MACF1: variants seen among roughly 807,000 people sequenced by gnomAD.
MACF1 encodes microtubule-actin cross-linking factor 1.
MACF1 carries 193 observed loss-of-function variants against 854.8 expected under a neutral mutation model. The observed-to-expected ratio is 0.23, with a 90% CI of 0.20 to 0.25. The LOEUF is 0.25. MACF1 is among the 10% of genes least tolerant of loss of function. The probability of loss-of-function intolerance (pLI) is 1.00; values close to 1 mark genes in which losing one functional copy is unlikely to be tolerated. For synonymous variants in MACF1, 3,185 were observed against 3,226.7 expected (o/e 0.99, Z 0.44); for missense variants, 7,722 against 8,929.1 (o/e 0.86, Z 5.45).
chr1:39,134,034 CTTTTTT>C (rs754585049), intron 2 of MACF1, among the ~76,000 whole-genome samples: 144 of 71,646 alleles, frequency 2.0e-3, no homozygotes, highest in Middle Eastern at 0.014. Context: ...GAAGAACAGT[CTTTTTT>C]TTTTTTTTTT....
intron 58 of MACF1, among the ~76,000 whole-genome samples, chr1:39,419,398 A>C (rs1192488183): frequency 6.6e-6 from 1 of 152,224 alleles, no homozygotes; most frequent in African/African-American, 2.4e-5. Context: ...AAATGCTCCC[A>C]AGTCTGAAAC....
chr1:39,430,143 A>C, intron 65 of MACF1, 75 bp downstream of exon 65: 1 of 1,493,292 alleles, frequency 6.7e-7, no homozygotes, highest in Non-Finnish European at 9.0e-7. Flanking sequence ...ATCAACCTTT[A>C]CCTTAAATAT....
chr1:39,344,288 T>C (rs1483417716), intron 40 of MACF1, among the ~76,000 whole-genome samples: 3 of 150,146 alleles, frequency 2.0e-5, no homozygotes, highest in South Asian at 2.1e-4. Flanking sequence ...TAAAATTAGC[T>C]GGGCATAGTG....
chr1:39,312,312 C>T (rs957598828), intron 26 of MACF1, among the ~76,000 whole-genome samples: 3 of 152,118 alleles, frequency 2.0e-5, no homozygotes, highest in Non-Finnish European at 4.4e-5. Context: ...AAGTTTTATT[C>T]TCTTATACCT....
At chr1:39,309,802 G>A in intron 24 of MACF1, 106 bp downstream of exon 24, 3 of 1,227,988 alleles carry the variant, frequency 2.4e-6, no homozygotes. Context: ...ATGGAGTAAA[G>A]TGGACTCAGG....
chr1:39,352,968 T>C (rs778735393), intron 43 of MACF1, 39 bp from the exon 44 acceptor site: 8 of 1,460,080 alleles, frequency 5.5e-6, no homozygotes, highest in Admixed American at 5.1e-5. Context: ...TGATTGAGTA[T>C]GTAAAGCCTT....
chr1:39,170,825 G>C (rs1643938507), intron 2 of MACF1, among the ~76,000 whole-genome samples: 1 of 152,184 alleles, frequency 6.6e-6, no homozygotes, highest in Admixed American at 6.5e-5. Context: ...CAGCAGTGAA[G>C]GAGTTAAAAT....
intron 2 of MACF1, among the ~76,000 whole-genome samples, chr1:39,099,770 G>A (rs912507225): frequency 1.3e-5 from 2 of 152,164 alleles, no homozygotes; most frequent in African/African-American, 4.8e-5. Flanking sequence ...GCAAAGTATT[G>A]TGTTAGGCCC....
At chr1:39,443,101 A>G (rs555869033) in intron 78 of MACF1, among the ~76,000 whole-genome samples, 190 bp downstream of exon 78, 31 of 152,364 alleles carry the variant, frequency 2.0e-4, no homozygotes, top group African/African-American at 7.0e-4. Context: ...ATTCATTTCT[A>G]GCTCAGTCTC....
intron 52 of MACF1, among the ~76,000 whole-genome samples, chr1:39,377,312 A>G (rs1482833231): frequency 3.9e-5 from 6 of 152,072 alleles, no homozygotes; most frequent in African/African-American, 1.4e-4. Flanking sequence ...GCGCCCGGCC[A>G]ACTATTTTGT....
At chr1:39,349,779 G>A in intron 42 of MACF1, 152 bp downstream of exon 42, 2 of 775,108 alleles carry the variant, frequency 2.6e-6, no homozygotes, top group Non-Finnish European at 3.9e-6. Flanking sequence ...ACAAAGTCAT[G>A]AGCCACCATG....
At chr1:39,477,063 A>G (rs1570225515) in intron 97 of MACF1, among the ~76,000 whole-genome samples, 3 of 20,834 alleles carry the variant, frequency 1.4e-4, no homozygotes, top group African/African-American at 3.0e-4. Flanking sequence ...ATATATATAT[A>G]TATATATATA....
rs749391231 is a variant in MACF1, at chr1:39,443,622, G to A, written c.19431+48G>A. 5.8e-6 allele frequency: 9 copies of A among 1,540,236 alleles called. No homozygotes were observed. The Admixed American group carries it at 1.0e-4, about 18-fold the overall frequency. On this transcript the variant is annotated intron_variant, in intron 79 of 100. Transcript: ENST00000564288. ...GAGCATAAGCATCCCATATTCACTAGCTCCTTTCCAAGTTCACAGTCATAA... is the reference window on the plus strand; with the variant it reads ...GAGCATAAGCATCCCATATTCACTAACTCCTTTCCAAGTTCACAGTCATAA...
At position 39,452,799 on chromosome 1, in the gene MACF1, T is replaced by C. The variant is rs532112471; in HGVS notation, c.20729T>C (p.Ile6910Thr). The C allele has an allele frequency of 1.9e-4, 310 of 1,614,084 alleles. 1 individual carries two copies. In the South Asian group the frequency reaches 3.0e-3, roughly 16 times the overall value. ...PDDTEALQSL[I>T]DTHKEFMKKV... Reference sequence around the variant, plus strand: ...GACACAGAGGCCCTGCAGTCTCTCATTGACACCCATAAGGTAATCCAGCCT... The same window carrying C: ...GACACAGAGGCCCTGCAGTCTCTCACTGACACCCATAAGGTAATCCAGCCT... The change falls in exon 87 of 101, where the codon ATT (isoleucine) becomes ACT (threonine). Residue 6910 changes from isoleucine (I) to threonine (T), a missense_variant. Ile to Thr is a moderately conservative substitution (Grantham distance 89, BLOSUM62 -1). Coordinates refer to ENST00000564288, the MANE Select transcript of MACF1 (RefSeq NM_001394062.1).
intron 43 of MACF1, among the ~76,000 whole-genome samples, 156 bp downstream of exon 43, chr1:39,351,174 G>A (rs753659041): frequency 3.6e-4 from 55 of 152,174 alleles, no homozygotes; most frequent in Middle Eastern, 3.4e-3. Flanking sequence ...TTTTTGAGAC[G>A]GAATCTCTGT....
At position 39,331,660 on chromosome 1, in the gene MACF1, C is replaced by T. The variant is rs1375445997; in HGVS notation, c.5072C>T (p.Ser1691Phe). The change falls in exon 37 of 101, where the codon TCT (serine) becomes TTT (phenylalanine). Residue 1691 changes from serine (S) to phenylalanine (F), a missense_variant. Ser to Phe is a radical substitution (Grantham distance 155). Coordinates refer to ENST00000564288, the MANE Select transcript of MACF1 (RefSeq NM_001394062.1). ...ISAWLHSVLE[S>F]YLRTSKNLID... ...GCATGGCTTCATTCAGTATTAGAGT[C>T]TTATCTTAGAACATCCAAGAATTTG... 1 of 1,614,112 alleles carries T rather than the reference C, an allele frequency of 6.2e-7. No homozygotes were observed. Among genetic ancestry groups the T allele is most frequent in the South Asian group, 1.1e-5 (1 of 91,076 alleles).
rs1158214172 is a variant in MACF1 at position 39,334,266 on chromosome 1, G to A, written c.7678G>A (p.Ala2560Thr). Residue 2560 changes from alanine to threonine, a missense_variant, in exon 37 of 101, where the codon GCC becomes ACC. Physicochemically the swap from Ala to Thr is moderately conservative, Grantham distance 58. Transcript: ENST00000564288. ...GAAGGAAAATATTTCCCTCCCTAAA[G>A]CCATAAAATTAGATCTTATTACCTC... The part of the protein sequence containing the change: ...ETKENISLPK[A>T]IKLDLITSDL... 6.2e-7 allele frequency: 1 copy of A among 1,613,912 alleles called. No individual in the cohort carries two copies. Among genetic ancestry groups the A allele is most frequent in the Admixed American group, 1.7e-5 (1 of 59,964 alleles).
chr1:39,277,700 T>C (rs1355666846), intron 6 of MACF1, among the ~76,000 whole-genome samples: 1 of 152,222 alleles, frequency 6.6e-6, no homozygotes, highest in Non-Finnish European at 1.5e-5. Flanking sequence ...TGAGCAATCC[T>C]CTGGCATTGC....
chr1:39,217,589 T>G (rs1644592185), intron 1 of MACF1, among the ~76,000 whole-genome samples: 1 of 152,018 alleles, frequency 6.6e-6, no homozygotes, highest in African/African-American at 2.4e-5. Context: ...TAAAACAGAC[T>G]CTAAATCAGC....
Sources: allele counts gnomAD v4.1 joint callset (sites outside exome capture counted in the v4.1 genomes callset), GRCh38; gene constraint gnomAD v4.1.1; transcripts MANE v1.5; gene names NCBI Gene and HGNC (gene_info 2026-07-23, HGNC 2026-07-21).